SLC36A3: variants seen among roughly 807,000 people sequenced by gnomAD.
SLC36A3 encodes solute carrier family 36 member 3.
In SLC36A3, 35 loss-of-function variants were observed where a neutral mutation model predicts 44.3. The ratio of observed to expected loss-of-function variants is 0.79; its 90% CI spans 0.60 to 1.05. SLC36A3 has a LOEUF of 1.05. SLC36A3 is among the 50% of genes least tolerant of loss of function. SLC36A3 has a pLI of 0.00. For synonymous variants in SLC36A3, 211 were observed against 227.6 expected, an observed-to-expected ratio of 0.93 and a Z score of 0.66; for missense variants, 540 against 578.7, an observed-to-expected ratio of 0.93 and a Z score of 0.69.
chr5:151,282,050 A>G (rs1441613910), intron 8 of SLC36A3, among the ~76,000 whole-genome samples: 5 of 150,390 alleles, frequency 3.3e-5, no homozygotes, highest in African/African-American at 1.2e-4. Flanking sequence ...ATGCATACAC[A>G]TATGCACATA....
chr5:151,285,317 C>T (rs1754493485), intron 6 of SLC36A3, among the ~76,000 whole-genome samples: 1 of 152,210 alleles, frequency 6.6e-6, no homozygotes, highest in Non-Finnish European at 1.5e-5. Context: ...GATTATCCCA[C>T]CCTTTGGCTA....
intron 9 of SLC36A3, among the ~76,000 whole-genome samples, chr5:151,280,180 G>A (rs547576346): frequency 6.6e-6 from 1 of 152,146 alleles, no homozygotes. Flanking sequence ...CTCTGGCTGG[G>A]TGCATGGTTC....
At chr5:151,289,495 C>A (rs865844544) in intron 4 of SLC36A3, among the ~76,000 whole-genome samples, 32 of 143,086 alleles carry the variant, frequency 2.2e-4, no homozygotes, top group African/African-American at 2.8e-4. Context: ...GAATCTGCCT[C>A]AAAAAAAAAA....
At chr5:151,298,292 G>A (rs1215367533) in intron 2 of SLC36A3, 1 of 294,720 alleles carries the variant, frequency 3.4e-6, no homozygotes, top group East Asian at 7.3e-5. Context: ...GGATTGGGCT[G>A]TTAATGCAAA....
intron 1 of SLC36A3, among the ~76,000 whole-genome samples, chr5:151,301,738 A>T (rs1262825089): frequency 6.6e-6 from 1 of 152,064 alleles, no homozygotes; most frequent in African/African-American, 2.4e-5. Flanking sequence ...CTAAAAAAAA[A>T]AAAAAAAAAC....
chr5:151,287,524 A>G, intron 5 of SLC36A3, 60 bp from the exon 6 acceptor site: 1 of 1,503,590 alleles, frequency 6.7e-7, no homozygotes, highest in Non-Finnish European at 9.2e-7. Context: ...GACACCAATT[A>G]CATTTGAATT....
At chr5:151,292,611 AACC>A (rs1346833783) in intron 4 of SLC36A3, among the ~76,000 whole-genome samples, 1 of 152,266 alleles carries the variant, frequency 6.6e-6, no homozygotes, top group African/African-American at 2.4e-5. Context: ...GGCAGGGAAC[AACC>A]TGAATGTTCA....
Position 151,287,318 on chromosome 5 carries a change from C to T in SLC36A3, c.636G>A (p.Leu212=). 1 of 1,614,126 alleles carries T rather than the reference C, an allele frequency of 6.2e-7. No individual in the cohort carries two copies. The highest frequency in any genetic ancestry group is 1.7e-5 in the Admixed American group (1 of 60,020). The change falls in exon 6 of 10, where the codon CTG becomes CTA. Residue 212 remains leucine, a synonymous_variant. Coordinates refer to ENST00000335230, the MANE Select transcript of SLC36A3 (RefSeq NM_181774.4). ...TGTTGGCCAATGTCGAGAAGACGGA[C>T]AGCACCTTGAGGTTCTGGATAAACA... ...LLVFIQNLKV[L]SVFSTLANIT... is the part of the protein sequence containing the mutation.
rs940168771 is a variant in SLC36A3, at chr5:151,303,347, A to C, written c.8T>G (p.Leu3Trp). 1 of 1,613,212 alleles carries C rather than the reference A, an allele frequency of 6.2e-7. No homozygotes were observed. Among genetic ancestry groups the C allele is most frequent in the Non-Finnish European group, 8.5e-7 (1 of 1,179,412 alleles). MS[L>W]LGRDYNSELN... The stretch of plus-strand genomic sequence containing the variant: ...CTCACTGTTGTAGTCCCTTCCAAGC[A>C]ATGACATCTTCAACACGGTGGGTAG... Residue 3 changes from leucine to tryptophan, a missense_variant, in exon 1 of 10, where the codon TTG becomes TGG. Transcript: ENST00000335230.
intron 8 of SLC36A3, among the ~76,000 whole-genome samples, chr5:151,281,938 A>G (rs1262670140): frequency 6.6e-6 from 1 of 152,086 alleles, no homozygotes; most frequent in East Asian, 1.9e-4. Context: ...CCCTTTCCAT[A>G]GGCAACCATT....
intron 6 of SLC36A3, among the ~76,000 whole-genome samples, chr5:151,285,882 A>G (rs1191449270): frequency 6.6e-6 from 1 of 152,210 alleles, no homozygotes; most frequent in Admixed American, 6.5e-5. Context: ...ACAAGAGAAC[A>G]GATTCTCCCC....
At chr5:151,289,302 T>TC (rs1754670422) in intron 4 of SLC36A3, among the ~76,000 whole-genome samples, 1 of 152,146 alleles carries the variant, frequency 6.6e-6, no homozygotes. Context: ...GTTAGTATTA[T>TC]CCCAATTCTC....
intron 9 of SLC36A3, among the ~76,000 whole-genome samples, chr5:151,278,046 A>G (rs1337219580): frequency 1.3e-5 from 2 of 152,148 alleles, no homozygotes; most frequent in Non-Finnish European, 2.9e-5. Context: ...TCACTCTACT[A>G]TGCTGCCTCT....
At chr5:151,293,293 G>C in intron 4 of SLC36A3, 71 bp downstream of exon 4, 2 of 1,315,378 alleles carry the variant, frequency 1.5e-6, no homozygotes, top group South Asian at 1.3e-5. Flanking sequence ...TTTAAAACCT[G>C]TGTAAGTAGA....
intron 9 of SLC36A3, among the ~76,000 whole-genome samples, chr5:151,279,971 CTTG>C (rs959902311): frequency 2.0e-5 from 3 of 152,150 alleles, no homozygotes; most frequent in Admixed American, 6.5e-5. Context: ...CAAAACATCC[CTTG>C]TTGTTTTGCT....
At chr5:151,292,338 C>T (rs1227829562) in intron 4 of SLC36A3, among the ~76,000 whole-genome samples, 1 of 152,200 alleles carries the variant, frequency 6.6e-6, no homozygotes, top group African/African-American at 2.4e-5. Flanking sequence ...AAGAGAGGAG[C>T]TGCAAAGGAA....
At chr5:151,291,765 G>C (rs907978215) in intron 4 of SLC36A3, among the ~76,000 whole-genome samples, 3 of 152,154 alleles carry the variant, frequency 2.0e-5, no homozygotes, top group Non-Finnish European at 4.4e-5. Flanking sequence ...TAGCATCAGT[G>C]CATTCTCCCT....
At chr5:151,299,596 G>T (rs1755103639) in intron 1 of SLC36A3, among the ~76,000 whole-genome samples, 1 of 151,922 alleles carries the variant, frequency 6.6e-6, no homozygotes, top group South Asian at 2.1e-4. Context: ...GGTGGGAAAG[G>T]TGGGAACAGG....
In SLC36A3 at chr5:151,284,636, A is replaced by G. The variant is rs975662847; in HGVS notation, c.784T>C (p.Phe262Leu). 1 of 1,612,242 alleles carries G rather than the reference A, an allele frequency of 6.2e-7. No homozygotes were observed. The highest frequency in any genetic ancestry group is 8.5e-7 in the Non-Finnish European group (1 of 1,178,694). The change falls in exon 7 of 10, where the codon TTC (phenylalanine) becomes CTC (leucine). Residue 262 changes from phenylalanine (F) to leucine (L), a missense_variant. Transcript: ENST00000335230. The part of the protein sequence containing the change: ...TFLLFFGTAI[F>L]TFEGVGMVLP... ...ACCATACCGACGCCTTCAAATGTGA[A>G]GATGGCTGTACCAAAGAACAGCAAG... is the stretch of plus-strand genomic sequence containing the variant.
Sources: allele counts gnomAD v4.1 joint callset (sites outside exome capture counted in the v4.1 genomes callset), GRCh38; gene constraint gnomAD v4.1.1; transcripts MANE v1.5; gene names NCBI Gene and HGNC (gene_info 2026-07-23, HGNC 2026-07-21).